Variants in ZFYVE9 observed in about 807,000 individuals in gnomAD.
The protein encoded by ZFYVE9 is zinc finger FYVE-type containing 9, also known as zinc finger FYVE domain-containing protein 9.
In ZFYVE9, 43 loss-of-function variants were observed where a neutral mutation model predicts 126.7. The ratio of observed to expected loss-of-function variants is 0.34; its 90% CI spans 0.27 to 0.44. The LOEUF (loss-of-function observed/expected upper bound fraction) is 0.44. Among genes scored for constraint, ZFYVE9 ranks in the 20% least tolerant of loss-of-function variants. The pLI is 1.00. For synonymous variants in ZFYVE9, 521 were observed against 597.4 expected (o/e 0.87, Z 1.87); for missense variants, 1,476 against 1,697.0 (o/e 0.87, Z 2.29).
intron 1 of ZFYVE9, among the ~76,000 whole-genome samples, chr1:52,185,096 G>T (rs190725090): frequency 8.5e-5 from 13 of 152,290 alleles, no homozygotes; most frequent in African/African-American, 2.9e-4. Context: ...GTCTGCCTCC[G>T]CATTGCAGTA....
At chr1:52,218,416 G>A (rs942151637) in intron 2 of ZFYVE9, among the ~76,000 whole-genome samples, 39 of 152,274 alleles carry the variant, frequency 2.6e-4, no homozygotes, top group Admixed American at 1.3e-3. Context: ...AATTGGCATC[G>A]AGAGCTGGAA....
Position 52,237,885 on chromosome 1 carries a change from C to G in ZFYVE9, c.468C>G (p.Asn156Lys). Residue 156 changes from asparagine (N) to lysine (K), a missense_variant, in exon 4 of 19, where the codon AAC (asparagine) becomes AAG (lysine). Around this residue, in one of 2 missense-constraint regions of ZFYVE9, gnomAD observed 807 missense variants for 794.6 expected, o/e 1.02. Coordinates refer to ENST00000287727, the MANE Select transcript of ZFYVE9 (RefSeq NM_004799.4). ...TTCTTGTTGTAGCCGTCATGCATAACTGTGATAAAAGGACATTACAAAACG... is the reference window on the plus strand; with the variant it reads ...TTCTTGTTGTAGCCGTCATGCATAAGTGTGATAAAAGGACATTACAAAACG... ...KNVLVVAVMHNCDKRTLQNDL... is the reference protein window; with the variant it reads ...KNVLVVAVMHKCDKRTLQNDL... 6.2e-7 allele frequency: 1 copy of G among 1,614,012 alleles called. No individual in the cohort carries two copies. Among genetic ancestry groups the G allele is most frequent in the Non-Finnish European group, 8.5e-7 (1 of 1,179,950 alleles).
intron 4 of ZFYVE9, among the ~76,000 whole-genome samples, chr1:52,258,489 C>G (rs1414121675): frequency 1.4e-5 from 2 of 143,044 alleles, no homozygotes; most frequent in Non-Finnish European, 3.1e-5. Flanking sequence ...ACAGTACTGT[C>G]CTATGAAGAA....
chr1:52,328,091 A>G (rs992748169), intron 13 of ZFYVE9, among the ~76,000 whole-genome samples: 7 of 152,148 alleles, frequency 4.6e-5, no homozygotes, highest in Non-Finnish European at 1.0e-4. Flanking sequence ...ATACTGTAGG[A>G]GGGAGGCAAG....
chr1:52,228,269 G>A lies in ZFYVE9; in HGVS notation c.-36-4902G>A, dbSNP rs370293826. Among the ~76,000 whole-genome samples, 14 of 152,084 alleles carry A rather than the reference G, an allele frequency of 9.2e-5. No homozygotes were observed. In the East Asian group the frequency reaches 2.1e-3, roughly 23 times the overall value. On this transcript the variant is annotated intron_variant, in intron 2 of 18. Transcript: ENST00000287727. ...AATTTTTAAAATTTTCTGTAGATACGGAGTCTCACTATGTTGTCCAGGCTG... is the reference window on the plus strand; with the variant it reads ...AATTTTTAAAATTTTCTGTAGATACAGAGTCTCACTATGTTGTCCAGGCTG...
chr1:52,271,313 G>C (rs1435940415), intron 7 of ZFYVE9, among the ~76,000 whole-genome samples: 1 of 152,150 alleles, frequency 6.6e-6, no homozygotes, highest in Admixed American at 6.5e-5. Context: ...TAAAATGAGA[G>C]AAAGCAAACT....
intron 4 of ZFYVE9, among the ~76,000 whole-genome samples, chr1:52,243,033 C>T (rs1300624901): frequency 6.6e-6 from 1 of 152,138 alleles, no homozygotes. Context: ...CTTGAGATTG[C>T]CTCTGATTTG....
intron 10 of ZFYVE9, among the ~76,000 whole-genome samples, chr1:52,291,337 A>G (rs1371464380): frequency 1.3e-5 from 2 of 152,154 alleles, no homozygotes; most frequent in Non-Finnish European, 2.9e-5. Flanking sequence ...AATAAACTCT[A>G]GTTTTCAAGA....
At position 52,292,635 on chromosome 1, in the gene ZFYVE9, C is replaced by A. The variant is rs904006831; in HGVS notation, c.3026-818C>A. ...TACAGGCGCACACCACTACGCCTGGCTAATTTTTGTATTTTTAGTAGAGAT... is the reference window on the plus strand; with the variant it reads ...TACAGGCGCACACCACTACGCCTGGATAATTTTTGTATTTTTAGTAGAGAT... On this transcript the variant is annotated intron_variant, in intron 10 of 18. Transcript: ENST00000287727. Among the ~76,000 whole-genome samples, 7 of 151,876 alleles carry A rather than the reference C, an allele frequency of 4.6e-5. No homozygotes were observed. The East Asian group carries it at 7.8e-4, about 17-fold the overall frequency.
In ZFYVE9 at chr1:52,293,536, A is replaced by G. The variant is rs1057243862; in HGVS notation, c.3109A>G (p.Thr1037Ala). Residue 1037 changes from threonine (T) to alanine (A), a missense_variant, in exon 11 of 19, where the codon ACA becomes GCA. Coordinates refer to ENST00000287727, the MANE Select transcript of ZFYVE9 (RefSeq NM_004799.4). ...AGAACATGGTGGATTCTTATATGTG[A>G]CATCTACCTACCAGTCACTGCAAGA... ...SKEHGGFLYV[T>A]STYQSLQDLV... The G allele has an allele frequency of 8.7e-6, 14 of 1,613,960 alleles. No individual in the cohort carries two copies. The highest frequency in any genetic ancestry group is 1.2e-5 in the Non-Finnish European group (14 of 1,180,028).
At chr1:52,306,180 A>G (rs1646083087) in intron 13 of ZFYVE9, among the ~76,000 whole-genome samples, 1 of 152,136 alleles carries the variant, frequency 6.6e-6, no homozygotes, top group African/African-American at 2.4e-5. Context: ...ATGGCTGTCC[A>G]TGCACCAGTC....
At chr1:52,207,291 G>A (rs992748174) in intron 1 of ZFYVE9, among the ~76,000 whole-genome samples, 3 of 152,158 alleles carry the variant, frequency 2.0e-5, no homozygotes, top group Non-Finnish European at 4.4e-5. Flanking sequence ...CTGTTCTAGC[G>A]ATTTCAATGC....
intron 2 of ZFYVE9, among the ~76,000 whole-genome samples, chr1:52,220,529 G>T (rs1037149867): frequency 6.6e-6 from 1 of 152,174 alleles, no homozygotes; most frequent in African/African-American, 2.4e-5. Context: ...GTTTCTTCCC[G>T]TGGGAGGCTG....
At chr1:52,335,930 T>A in intron 15 of ZFYVE9, among the ~76,000 whole-genome samples, 1 of 152,082 alleles carries the variant, frequency 6.6e-6, no homozygotes, top group East Asian at 1.9e-4. Flanking sequence ...GGTCAGGAGT[T>A]GGAGACCAGC....
chr1:52,259,992 T>C (rs1220342197), intron 4 of ZFYVE9, among the ~76,000 whole-genome samples: 1 of 152,170 alleles, frequency 6.6e-6, no homozygotes, highest in African/African-American at 2.4e-5. Flanking sequence ...TTACAACTTT[T>C]ATTATAAACA....
intron 2 of ZFYVE9, among the ~76,000 whole-genome samples, chr1:52,224,707 G>C (rs1645153801): frequency 6.6e-6 from 1 of 152,152 alleles, no homozygotes; most frequent in Non-Finnish European, 1.5e-5. Flanking sequence ...TATCCTTCCA[G>C]TATTTTAACA....
chr1:52,282,722 A>G (rs1352450848), intron 10 of ZFYVE9, among the ~76,000 whole-genome samples: 1 of 152,226 alleles, frequency 6.6e-6, no homozygotes, highest in East Asian at 1.9e-4. Flanking sequence ...GTTTATTGCA[A>G]CATTACCTAA....
chr1:52,196,836 CAG>C (rs1197063910), intron 1 of ZFYVE9, among the ~76,000 whole-genome samples: 1 of 151,992 alleles, frequency 6.6e-6, no homozygotes, highest in East Asian at 1.9e-4. Flanking sequence ...AATAAGATGT[CAG>C]TGTAGATGTA....
intron 2 of ZFYVE9, among the ~76,000 whole-genome samples, chr1:52,224,590 C>G (rs1572113250): frequency 6.6e-6 from 1 of 152,210 alleles, no homozygotes; most frequent in East Asian, 1.9e-4. Flanking sequence ...CTCATTTTAC[C>G]CAAACTCTGG....
Sources: allele counts gnomAD v4.1 joint callset (sites outside exome capture counted in the v4.1 genomes callset), GRCh38; gene constraint gnomAD v4.1.1; regional missense constraint gnomAD v4.1.1; transcripts MANE v1.5; gene names NCBI Gene and HGNC (gene_info 2026-07-23, HGNC 2026-07-21).